Variants in DAPK2 observed in about 807,000 individuals in gnomAD.
The protein encoded by DAPK2 is death-associated protein kinase 2.
In DAPK2, 35 loss-of-function variants were observed where a neutral mutation model predicts 44.1. The ratio of observed to expected loss-of-function variants is 0.79; its 90% confidence interval spans 0.61 to 1.05. DAPK2 has a LOEUF of 1.05. Ranked by LOEUF, DAPK2 falls within the 50% of genes least tolerant of loss-of-function variation. DAPK2 has a pLI of 0.00. For missense variants in DAPK2, 453 were observed against 483.2 expected, an observed-to-expected ratio of 0.94 and a Z score of 0.59; for synonymous variants, 174 against 182.6, an observed-to-expected ratio of 0.95 and a Z score of 0.38.
intron 3 of DAPK2, among the ~76,000 whole-genome samples, chr15:63,968,786 C>T (rs1056552420): frequency 1.3e-5 from 2 of 152,222 alleles, no homozygotes; most frequent in African/African-American, 4.8e-5. Context: ...CCCACCACAG[C>T]GAGCTGCCAT....
chr15:63,986,080 T>C (rs958084600), intron 1 of DAPK2, among the ~76,000 whole-genome samples: 2 of 152,212 alleles, frequency 1.3e-5, no homozygotes, highest in African/African-American at 4.8e-5. Context: ...GCTCAACCTG[T>C]AGAGGGGAGC....
chr15:63,939,408 A>G lies in DAPK2; in HGVS notation c.454-47T>C. The G allele has an allele frequency of 6.4e-7, 1 of 1,554,754 alleles. No homozygotes were observed. Among genetic ancestry groups the G allele is most frequent in the Non-Finnish European group, 8.6e-7 (1 of 1,156,924 alleles). ...AAAAAAAAAGGAAGGAAGAAAAGAA[A>G]AAAAAAGACGGTAATTAAAGGCTGG... is the stretch of plus-strand genomic sequence containing the variant. On this transcript the variant is annotated intron_variant, in intron 3 of 10. Coordinates refer to ENST00000261891, the Ensembl canonical transcript of DAPK2. The surrounding 1 kb of genome is among the most constrained non-coding windows in gnomAD (Gnocchi z 4.3).
intron 5 of DAPK2, 106 bp downstream of exon 6, chr15:63,930,301 G>A: frequency 9.2e-7 from 1 of 1,088,336 alleles, no homozygotes. Flanking sequence ...CAGTGAGTGT[G>A]GAGTAAGGGG....
chr15:64,044,379 C>G (rs973399620), upstream of DAPK2, among the ~76,000 whole-genome samples: 2 of 152,208 alleles, frequency 1.3e-5, no homozygotes, highest in African/African-American at 4.8e-5. Flanking sequence ...GCTTCAGGAT[C>G]ACCAGGGTGA....
chr15:63,953,875 G>C (rs1241005841), intron 3 of DAPK2, among the ~76,000 whole-genome samples: 1 of 152,198 alleles, frequency 6.6e-6, no homozygotes, highest in Non-Finnish European at 1.5e-5. Context: ...GATCAATGGT[G>C]TTGAGCACCT....
At chr15:64,027,292 G>C (rs1272424390) in intron 1 of DAPK2, among the ~76,000 whole-genome samples, 3 of 152,098 alleles carry the variant, frequency 2.0e-5, no homozygotes, top group Non-Finnish European at 4.4e-5. Context: ...GCTGAGACGG[G>C]AGAATCACTT....
chr15:64,014,175 A>G (rs2079461349), intron 1 of DAPK2, among the ~76,000 whole-genome samples: 1 of 152,216 alleles, frequency 6.6e-6, no homozygotes, highest in Admixed American at 6.5e-5. Context: ...TCCATCCTGC[A>G]GTTTGGGTTT....
At chr15:63,988,338 A>G (rs187244771) in intron 1 of DAPK2, among the ~76,000 whole-genome samples, 196 of 152,182 alleles carry the variant, frequency 1.3e-3, no homozygotes, top group Non-Finnish European at 1.5e-3. Context: ...AGTGCTCAGA[A>G]ATGTCCCCAA....
intron 3 of DAPK2, among the ~76,000 whole-genome samples, chr15:63,963,596 T>C (rs967611473): frequency 6.6e-6 from 1 of 152,214 alleles, no homozygotes; most frequent in African/African-American, 2.4e-5. Context: ...GCTTTTTTAT[T>C]TCTGGTTGTT....
rs1246752274 is a variant in DAPK2, at chr15:63,966,508, A to T, written c.453+4915T>A. Among the ~76,000 whole-genome samples, 3 of 152,176 alleles carry T rather than the reference A, an allele frequency of 2.0e-5. No homozygotes were observed. Among genetic ancestry groups the T allele is most frequent in the Admixed American group, 2.0e-4 (3 of 15,286 alleles). ...AGCACAGGACCAGGACTTGTCCAGG[A>T]ATTGCAGTCCTTGTGGCCTAGACTT... On this transcript the variant is annotated intron_variant, in intron 3 of 10. Transcript: ENST00000261891. The surrounding 1 kb of genome is among the most constrained non-coding windows in gnomAD (Gnocchi z 5.5).
chr15:63,929,676 C>A, intron 5 of DAPK2, 99 bp from the exon 7 acceptor site: 1 of 1,423,316 alleles, frequency 7.0e-7, no homozygotes, highest in Middle Eastern at 1.8e-4. Flanking sequence ...TCACTTGCCT[C>A]CTCCACAGCA....
chr15:64,013,826 G>A lies in DAPK2; in HGVS notation c.92+26344C>T, dbSNP rs772315983. On this transcript the variant is annotated intron_variant, in intron 1 of 10. Coordinates refer to ENST00000261891, the Ensembl canonical transcript of DAPK2. This position sits in a 1 kb window ranked among gnomAD's most constrained non-coding sequence, Gnocchi z 4.7. Reference sequence around the variant, plus strand: ...AAACATGGGACCAGTCCCTGTAAGTGGTCCAGCCTCACATGAATAAATCAT... The same window carrying A: ...AAACATGGGACCAGTCCCTGTAAGTAGTCCAGCCTCACATGAATAAATCAT... 1.2e-4 allele frequency among the ~76,000 whole-genome samples: 18 copies of A among 152,172 alleles called. No homozygotes were observed. The highest frequency in any genetic ancestry group is 4.4e-5 in the Non-Finnish European group (3 of 68,034).
At position 63,924,867 on chromosome 15, in the gene DAPK2, A is replaced by T; in HGVS notation, c.813-6T>A. The T allele has an allele frequency of 6.2e-7, 1 of 1,614,076 alleles. No homozygotes were observed. The highest frequency in any genetic ancestry group is 8.5e-7 in the Non-Finnish European group (1 of 1,179,946). Reference sequence around the variant, plus strand: ...CTTGGATTGTGAGCCGTTTCCTGCAATGAGGATTGGGAAACAGTGATGATC... The same window carrying T: ...CTTGGATTGTGAGCCGTTTCCTGCATTGAGGATTGGGAAACAGTGATGATC... On this transcript the variant is annotated splice_region_variant and splice_polypyrimidine_tract_variant and intron_variant, in intron 7 of 10. Transcript: ENST00000261891.
intron 1 of DAPK2, among the ~76,000 whole-genome samples, chr15:64,014,943 A>G (rs994167718): frequency 6.8e-6 from 1 of 146,632 alleles, no homozygotes; most frequent in Non-Finnish European, 1.5e-5. Context: ...AAAAAAAAAA[A>G]CATTCTGACA....
Position 64,013,532 on chromosome 15 carries a change from G to C in DAPK2, c.92+26638C>G, listed in dbSNP as rs2079443606. On this transcript the variant is annotated intron_variant, in intron 1 of 10. Coordinates refer to ENST00000261891, the Ensembl canonical transcript of DAPK2. The surrounding 1 kb of genome is among the most constrained non-coding windows in gnomAD (Gnocchi z 4.7). ...TACCTTAAGAAAACATGAGGAGAAGGGGCAAGAACTTTAAAAGTAGAAAAA... is the reference window on the plus strand; with the variant it reads ...TACCTTAAGAAAACATGAGGAGAAGCGGCAAGAACTTTAAAAGTAGAAAAA... Among the ~76,000 whole-genome samples, 1 of 152,026 alleles carries C rather than the reference G, an allele frequency of 6.6e-6. No individual in the cohort carries two copies.
intron 5 of DAPK2, 174 bp from the exon 7 acceptor site, chr15:63,929,751 T>A: frequency 1.3e-6 from 1 of 775,654 alleles, no homozygotes; most frequent in Admixed American, 2.0e-5. Context: ...CAGCCCGGGG[T>A]GTGTTTGGAG....
At chr15:64,031,414 T>C (rs947011153) in intron 1 of DAPK2, among the ~76,000 whole-genome samples, 4 of 152,038 alleles carry the variant, frequency 2.6e-5, no homozygotes, top group African/African-American at 9.7e-5. Flanking sequence ...TCATGTTTTG[T>C]AGAGACAGAG....
chr15:63,934,711 C>G (rs1430692952), intron 4 of DAPK2, among the ~76,000 whole-genome samples: 1 of 152,124 alleles, frequency 6.6e-6, no homozygotes. Context: ...GTGTGAGCCA[C>G]AATGCCTGGC....
chr15:63,981,642 C>T (rs895874267), intron 2 of DAPK2, among the ~76,000 whole-genome samples: 5 of 150,194 alleles, frequency 3.3e-5, no homozygotes, highest in African/African-American at 1.2e-4. Context: ...AATTTCTTGT[C>T]CATTCCTGCT....
Sources: gnomAD v4.1 joint callset for allele counts (sites outside exome capture counted in the v4.1 genomes callset) on GRCh38, gnomAD v4.1.1 for gene constraint, Gnocchi (gnomAD v3.1) non-coding constraint, MANE v1.5 for transcripts, NCBI Gene and HGNC (gene_info 2026-07-23, HGNC 2026-07-21) for gene names.